Variants in AUTS2 observed in about 807,000 individuals in gnomAD.
AUTS2 encodes the protein activator of transcription and developmental regulator AUTS2, also known as autism susceptibility gene 2 protein.
In AUTS2, 17 loss-of-function variants were observed where a neutral mutation model predicts 112.4. The observed-to-expected ratio is 0.15, with a 90% confidence interval of 0.10 to 0.23. The LOEUF (loss-of-function observed/expected upper bound fraction) is 0.23. AUTS2 is among the 10% of genes least tolerant of loss of function. The pLI is 1.00. For missense variants in AUTS2, 1,510 were observed against 1,701.6 expected (o/e 0.89, Z 1.98); for synonymous variants, 751 against 702.7 (o/e 1.07, Z -1.09).
At chr7:70,463,903 G>A (rs117945704) in intron 5 of AUTS2, among the ~76,000 whole-genome samples, 1 of 152,142 alleles carries the variant, frequency 6.6e-6, no homozygotes, top group Non-Finnish European at 1.5e-5. Context: ...TCAATTAAGG[G>A]GATACTTAGA....
chr7:69,604,647 G>A (rs1385369375), intron 1 of AUTS2, among the ~76,000 whole-genome samples: 1 of 152,158 alleles, frequency 6.6e-6, no homozygotes, highest in Middle Eastern at 3.2e-3. Context: ...GAATAATGAA[G>A]GCACAGGAAC....
At chr7:69,893,335 T>TTAC (rs1303522041) in intron 1 of AUTS2, among the ~76,000 whole-genome samples, 1 of 152,174 alleles carries the variant, frequency 6.6e-6, no homozygotes, top group Non-Finnish European at 1.5e-5. Context: ...ATCTATCTAG[T>TTAC]TACTAGTTTT....
chr7:70,240,205 A>T (rs2129599878), intron 4 of AUTS2, among the ~76,000 whole-genome samples: 1 of 152,328 alleles, frequency 6.6e-6, no homozygotes, highest in Admixed American at 6.5e-5. Context: ...AGCTGGGTTC[A>T]ATATGGTGCC....
rs553008588 is a variant in AUTS2, at chr7:70,563,569, A to C, written c.690+127788A>C. Among the ~76,000 whole-genome samples the C allele has an allele frequency of 1.2e-4, 19 of 152,280 alleles. 1 individual carries two copies. In the South Asian group the frequency reaches 3.7e-3, roughly 30 times the overall value. ...TACTTTATTAAAATTGGCCTCATGC[A>C]CCCTTGAGGTGAGTGGGTAGAGAAT... On this transcript the variant is annotated intron_variant, in intron 5 of 18. Coordinates refer to ENST00000342771, the MANE Select transcript of AUTS2 (RefSeq NM_015570.4).
Position 70,279,076 on chromosome 7 carries a change from G to A in AUTS2, c.660+144505G>A, listed in dbSNP as rs1357158920. Among the ~76,000 whole-genome samples the A allele has an allele frequency of 3.3e-5, 5 of 152,022 alleles. No individual in the cohort carries two copies. In the South Asian group the frequency reaches 8.3e-4, roughly 25 times the overall value. On this transcript the variant is annotated intron_variant, in intron 4 of 18. Transcript: ENST00000342771. ...AATAATGCATTTAATTTAGGCCTTG[G>A]GATTTTGTATACCTTTGGGTGGGCC...
intron 2 of AUTS2, among the ~76,000 whole-genome samples, chr7:70,074,040 A>G (rs528605297): frequency 8.5e-5 from 13 of 152,380 alleles, no homozygotes; most frequent in Admixed American, 5.2e-4. Context: ...GCTTCCACAG[A>G]ATAATTTAAG....
intron 4 of AUTS2, among the ~76,000 whole-genome samples, chr7:70,181,888 C>T (rs1447429170): frequency 6.8e-6 from 1 of 147,804 alleles, no homozygotes; most frequent in Non-Finnish European, 1.5e-5. Flanking sequence ...AGCTCCACCT[C>T]CCAGGTTCAC....
chr7:70,791,663 T>C lies in AUTS2; in HGVS notation c.*667T>C, dbSNP rs186933433. ...ACTCAAAGGAGCCTTTTCAAATCCA[T>C]TTACAGCATACTTAAGGTCATATTT... On this transcript the variant is annotated 3_prime_UTR_variant, in exon 19 of 19. Transcript: ENST00000342771. 18 of 152,744 alleles carry C rather than the reference T, an allele frequency of 1.2e-4. No individual in the cohort carries two copies. In the East Asian group the frequency reaches 3.1e-3, roughly 26 times the overall value. The allele number at this position is 152,744 out of a possible 1,614,324, so 9.5% of individuals were successfully genotyped here. A position where few individuals can be genotyped will look rare whatever the true frequency, so the allele number is the denominator to read the frequency against.
intron 1 of AUTS2, among the ~76,000 whole-genome samples, chr7:69,837,782 A>G (rs755687215): frequency 6.6e-6 from 1 of 152,208 alleles, no homozygotes; most frequent in Admixed American, 6.5e-5. Context: ...TAAGAAATAA[A>G]GTGACACTGA....
At chr7:69,829,029 G>A (rs1791378928) in intron 1 of AUTS2, among the ~76,000 whole-genome samples, 1 of 152,004 alleles carries the variant, frequency 6.6e-6, no homozygotes, top group Non-Finnish European at 1.5e-5. Context: ...GCATGGTAGT[G>A]GTACCAAAAC....
At chr7:70,595,679 C>T (rs1419155839) in intron 5 of AUTS2, among the ~76,000 whole-genome samples, 1 of 152,234 alleles carries the variant, frequency 6.6e-6, no homozygotes, top group Non-Finnish European at 1.5e-5. Context: ...CAGTTCCCTC[C>T]TCTGTAACAT....
At chr7:69,688,584 A>G (rs1022746783) in intron 1 of AUTS2, among the ~76,000 whole-genome samples, 7 of 152,204 alleles carry the variant, frequency 4.6e-5, no homozygotes, top group African/African-American at 1.7e-4. Context: ...GATCAGGGTA[A>G]TTAGCATTCC....
At chr7:69,884,733 C>T (rs1013844762) in intron 1 of AUTS2, among the ~76,000 whole-genome samples, 1 of 152,188 alleles carries the variant, frequency 6.6e-6, no homozygotes, top group Non-Finnish European at 1.5e-5. Flanking sequence ...ACCTAATTGC[C>T]TCACAGCATC....
At chr7:69,988,813 G>C (rs1031531213) in intron 2 of AUTS2, among the ~76,000 whole-genome samples, 1 of 152,122 alleles carries the variant, frequency 6.6e-6, no homozygotes, top group African/African-American at 2.4e-5. Flanking sequence ...CCGTACTCGT[G>C]GGAGTGATAA....
At chr7:70,424,711 C>G (rs1258621283) in intron 4 of AUTS2, among the ~76,000 whole-genome samples, 1 of 152,110 alleles carries the variant, frequency 6.6e-6, no homozygotes, top group East Asian at 1.9e-4. Flanking sequence ...ATCAGCCTCC[C>G]AGGTAGCTGG....
intron 1 of AUTS2, among the ~76,000 whole-genome samples, chr7:69,803,488 C>A (rs1472335706): frequency 6.6e-6 from 1 of 150,892 alleles, no homozygotes; most frequent in African/African-American, 2.4e-5. Flanking sequence ...CCTGTAAACA[C>A]CAAATAAAAG....
intron 4 of AUTS2, among the ~76,000 whole-genome samples, chr7:70,260,005 T>C (rs945245688): frequency 1.3e-5 from 2 of 152,216 alleles, no homozygotes; most frequent in African/African-American, 4.8e-5. Flanking sequence ...TTAAAATATT[T>C]TCTAATAAAG....
intron 5 of AUTS2, among the ~76,000 whole-genome samples, chr7:70,668,070 C>G (rs1369429890): frequency 1.3e-5 from 2 of 152,238 alleles, no homozygotes. Context: ...GCCTCCACCT[C>G]CTGCGTCCAA....
intron 1 of AUTS2, among the ~76,000 whole-genome samples, chr7:69,719,796 T>C (rs1798820079): frequency 6.6e-6 from 1 of 152,190 alleles, no homozygotes. Context: ...TAAGGCATCA[T>C]CATGACTGCT....
Sources: allele counts gnomAD v4.1 joint callset (sites outside exome capture counted in the v4.1 genomes callset), GRCh38; gene constraint gnomAD v4.1.1; transcripts MANE v1.5; gene names NCBI Gene and HGNC (gene_info 2026-07-23, HGNC 2026-07-21).